Variants in JPH1 observed in about 807,000 individuals in gnomAD.
JPH1 encodes the protein junctophilin 1.
A neutral mutation model predicts 53.6 loss-of-function variants in JPH1; 12 were observed. That is an observed-to-expected ratio of 0.22 (90% CI 0.14 to 0.36). The LOEUF (loss-of-function observed/expected upper bound fraction) is 0.36. JPH1 is among the 10% of genes least tolerant of loss of function. The pLI is 1.00. For missense variants in JPH1, 808 were observed against 905.5 expected, an observed-to-expected ratio of 0.89 and a Z score of 1.38; for synonymous variants, 375 against 363.8, an observed-to-expected ratio of 1.03 and a Z score of -0.35.
rs757565663 is a variant in JPH1 at position 74,245,190 on chromosome 8, AAG to A, written c.1259-17_1259-16del. 1.9e-5 allele frequency: 30 copies of A among 1,544,334 alleles called. No homozygotes were observed. In the African/African-American group the frequency reaches 2.0e-4, roughly 10 times the overall value. On this transcript the variant is annotated splice_polypyrimidine_tract_variant and intron_variant, in intron 3 of 5. Coordinates refer to ENST00000342232, the MANE Select transcript of JPH1 (RefSeq NM_020647.4). ...GTAATCAGGGCCTGGCCAAAAAAAAAAGAAAAAAGAAAAAAAGAAAGGAGGTA... is the reference window on the plus strand; with the variant it reads ...GTAATCAGGGCCTGGCCAAAAAAAAAAAAAAAGAAAAAAAGAAAGGAGGTA...
intron 2 of JPH1, among the ~76,000 whole-genome samples, chr8:74,281,953 C>A (rs377263522): frequency 6.6e-6 from 1 of 152,192 alleles, no homozygotes; most frequent in East Asian, 1.9e-4. Flanking sequence ...CTCGGAAACA[C>A]GCTTAAGAAG....
At chr8:74,295,536 T>C (rs555060161) in intron 2 of JPH1, among the ~76,000 whole-genome samples, 1 of 152,298 alleles carries the variant, frequency 6.6e-6, no homozygotes, top group African/African-American at 2.4e-5. Flanking sequence ...ATATACTTGA[T>C]CTCATTTAAT....
intron 2 of JPH1, among the ~76,000 whole-genome samples, chr8:74,293,632 T>G (rs1404762397): frequency 6.6e-6 from 1 of 152,212 alleles, no homozygotes; most frequent in East Asian, 1.9e-4. Context: ...ATGTTAAAGA[T>G]TTTATAGGCA....
At chr8:74,301,636 C>A (rs35426435) in intron 2 of JPH1, among the ~76,000 whole-genome samples, 6,377 of 152,258 alleles carry the variant, frequency 0.042, 244 homozygotes, top group Non-Finnish European at 0.059. Context: ...ATATGCAACA[C>A]TGGCCACTGT....
intron 2 of JPH1, among the ~76,000 whole-genome samples, chr8:74,287,778 T>C (rs957940931): frequency 1.3e-5 from 2 of 152,160 alleles, no homozygotes; most frequent in African/African-American, 2.4e-5. Flanking sequence ...ATCCACTGTT[T>C]TGGCACTGGT....
chr8:74,315,677 G>C lies in JPH1; in HGVS notation c.380-57C>G. 1 of 1,499,492 alleles carries C rather than the reference G, an allele frequency of 6.7e-7. No homozygotes were observed. The highest frequency in any genetic ancestry group is 8.9e-7 in the Non-Finnish European group (1 of 1,119,516). The allele number at this position is 1,499,492 out of a possible 1,614,324, so 92.9% of individuals were successfully genotyped here. A position where few individuals can be genotyped will look rare whatever the true frequency, so the allele number is the denominator to read the frequency against. On this transcript the variant is annotated intron_variant, in intron 1 of 5. Transcript: ENST00000342232. This position sits in a 1 kb window ranked among gnomAD's most constrained non-coding sequence, Gnocchi z 6.3. Reference sequence around the variant, plus strand: ...CGGGGGCAGAGCTGCACCGTCACCTGCACCATCCAGCGCACACTGGCGCAG... The same window carrying C: ...CGGGGGCAGAGCTGCACCGTCACCTCCACCATCCAGCGCACACTGGCGCAG...
chr8:74,287,639 G>C (rs1361116176), intron 2 of JPH1, among the ~76,000 whole-genome samples: 2 of 150,866 alleles, frequency 1.3e-5, no homozygotes, highest in Non-Finnish European at 2.9e-5. Context: ...GCATTAGTTT[G>C]CACATACAAT....
intron 3 of JPH1, among the ~76,000 whole-genome samples, chr8:74,258,507 G>A (rs1372795754): frequency 2.6e-5 from 4 of 152,144 alleles, no homozygotes; most frequent in African/African-American, 4.8e-5. Flanking sequence ...GACCAAGATC[G>A]ATTTTTTTGA....
intron 2 of JPH1, among the ~76,000 whole-genome samples, chr8:74,298,229 CATA>C (rs1460301129): frequency 8.5e-5 from 13 of 152,212 alleles, no homozygotes; most frequent in African/African-American, 3.1e-4. Context: ...TCTTTCTCCC[CATA>C]ATGTCTCCAT....
chr8:74,275,514 G>C (rs1359655429), intron 2 of JPH1, among the ~76,000 whole-genome samples: 1 of 152,140 alleles, frequency 6.6e-6, no homozygotes, highest in Non-Finnish European at 1.5e-5. Flanking sequence ...TTTTAAGTAA[G>C]AAAATTACCT....
chr8:74,280,740 A>G (rs769580863), intron 2 of JPH1, among the ~76,000 whole-genome samples: 8 of 152,236 alleles, frequency 5.3e-5, no homozygotes, highest in Admixed American at 2.6e-4. Context: ...TGGAAATTAA[A>G]AACTGAATAT....
chr8:74,321,018 G>A lies in JPH1; in HGVS notation c.270C>T (p.Phe90=). ...WMYRGEWSHG[F]KGRYGVRQSL... is the part of the protein sequence containing the mutation. ...TCTGCCGGACCCCGTAGCGCCCCTT[G>A]AAACCATGTGACCACTCCCCCCGGT... Residue 90 remains phenylalanine, a synonymous_variant, in exon 1 of 6, where the codon TTC becomes TTT. Transcript: ENST00000342232. This position sits in a 1 kb window ranked among gnomAD's most constrained non-coding sequence, Gnocchi z 4.3. 1 of 1,613,062 alleles carries A rather than the reference G, an allele frequency of 6.2e-7. No individual in the cohort carries two copies. Among genetic ancestry groups the A allele is most frequent in the Non-Finnish European group, 8.5e-7 (1 of 1,179,586 alleles).
chr8:74,277,333 G>A (rs1188633722), intron 2 of JPH1, among the ~76,000 whole-genome samples: 1 of 152,192 alleles, frequency 6.6e-6, no homozygotes, highest in African/African-American at 2.4e-5. Flanking sequence ...GCATTGAAAA[G>A]CCGGCTACCT....
chr8:74,236,997 G>T lies in JPH1; in HGVS notation c.*54C>A. ...AAAGGGCTGACGGCACCACTGCAGA[G>T]AACTGTGGGCTAACACACCACTAGT... On this transcript the variant is annotated 3_prime_UTR_variant, in exon 6 of 6. Coordinates refer to ENST00000342232, the MANE Select transcript of JPH1 (RefSeq NM_020647.4). 2.1e-6 allele frequency: 1 copy of T among 477,642 alleles called. No individual in the cohort carries two copies. Among genetic ancestry groups the T allele is most frequent in the Non-Finnish European group, 3.7e-6 (1 of 266,694 alleles). The allele number at this position is 477,642 out of a possible 1,614,324, so 29.6% of individuals were successfully genotyped here. A position where few individuals can be genotyped will look rare whatever the true frequency, so the allele number is the denominator to read the frequency against.
At position 74,296,019 on chromosome 8, in the gene JPH1, G is replaced by GACACACACACACACACACAC. The variant is rs59881666; in HGVS notation, c.1139+18822_1139+18841dup. Among the ~76,000 whole-genome samples, 1,223 of 136,582 alleles carry GACACACACACACACACACAC rather than the reference G, an allele frequency of 9.0e-3. 32 individuals carry two copies. The highest frequency in any genetic ancestry group is 0.026 in the African/African-American group (952 of 36,030). The allele number at this position is 136,582 out of a possible 152,430, so 89.6% of individuals were successfully genotyped here. A position where few individuals can be genotyped will look rare whatever the true frequency, so the allele number is the denominator to read the frequency against. ...CCTGGTATGTAGCAATCTCAGTAAG[G>GACACACACACACACACACAC]ACACACACACACACACACACACACA... is the stretch of plus-strand genomic sequence containing the variant. On this transcript the variant is annotated intron_variant, in intron 2 of 5. Transcript: ENST00000342232.
intron 2 of JPH1, among the ~76,000 whole-genome samples, chr8:74,271,656 T>C (rs764073513): frequency 6.6e-6 from 1 of 152,182 alleles, no homozygotes; most frequent in African/African-American, 2.4e-5. Flanking sequence ...ATTTAAAATT[T>C]TGGACCTAAA....
At position 74,244,958 on chromosome 8, in the gene JPH1, C is replaced by T. The variant is rs1382485065; in HGVS notation, c.1476G>A (p.Ala492=). The change falls in exon 4 of 6, where the codon GCG becomes GCA. Residue 492 remains alanine, a synonymous_variant. Transcript: ENST00000342232. ...PLKKQNPSSG[A]RLNQDKRSVA... Reference sequence around the variant, plus strand: ...CACTCCTTTTGTCTTGGTTGAGTCTCGCCCCTGAGCTGGGGTTTTGCTTCT... The same window carrying T: ...CACTCCTTTTGTCTTGGTTGAGTCTTGCCCCTGAGCTGGGGTTTTGCTTCT... The T allele has an allele frequency of 5.0e-6, 8 of 1,613,934 alleles. No individual in the cohort carries two copies. Among genetic ancestry groups the T allele is most frequent in the East Asian group, 4.5e-5 (2 of 44,876 alleles).
At chr8:74,302,065 GGAT>G (rs1807698542) in intron 2 of JPH1, among the ~76,000 whole-genome samples, 1 of 152,190 alleles carries the variant, frequency 6.6e-6, no homozygotes, top group Non-Finnish European at 1.5e-5. Context: ...GTTGCCATGG[GGAT>G]GAGAGGAGAT....
intron 2 of JPH1, among the ~76,000 whole-genome samples, chr8:74,297,580 C>G (rs188778179): frequency 1.3e-5 from 2 of 152,316 alleles, no homozygotes; most frequent in Admixed American, 1.3e-4. Context: ...GGTACAGCCC[C>G]AGACCACTGC....
Sources: allele counts gnomAD v4.1 joint callset (sites outside exome capture counted in the v4.1 genomes callset), GRCh38; gene constraint gnomAD v4.1.1; non-coding constraint Gnocchi (gnomAD v3.1); transcripts MANE v1.5; gene names NCBI Gene and HGNC (gene_info 2026-07-23, HGNC 2026-07-21).